DHX38: variants seen among roughly 807,000 people sequenced by gnomAD.
The protein encoded by DHX38 is DEAH-box helicase 38.
DHX38 carries 100 observed loss-of-function variants against 153.1 expected under a neutral mutation model. That is an observed-to-expected ratio of 0.65 (90% CI 0.56 to 0.77). DHX38 has a LOEUF of 0.77. Among genes scored for constraint, DHX38 ranks in the 30% least tolerant of loss-of-function variants. The pLI is 0.00. For synonymous variants in DHX38, 650 were observed against 631.7 expected (o/e 1.03, Z -0.43); for missense variants, 1,440 against 1,654.0 (o/e 0.87, Z 2.24).
rs141181263 is a variant in DHX38, at chr16:72,106,649, A to G, written c.2600+532A>G. Among the ~76,000 whole-genome samples, 1,161 of 151,996 alleles carry G rather than the reference A, an allele frequency of 7.6e-3. 6 individuals carry two copies. Among genetic ancestry groups the G allele is most frequent in the Non-Finnish European group, 0.011 (780 of 67,966 alleles). ...TATTTTGTAGAGATGGGGTCTTGCT[A>G]TGTTGCCCAGGCTGGTATTGTGAAC... On this transcript the variant is annotated intron_variant, in intron 19 of 26. Coordinates refer to ENST00000268482, the MANE Select transcript of DHX38 (RefSeq NM_014003.4).
At chr16:72,097,806 G>A (rs1597438940) in intron 4 of DHX38, 25 bp downstream of exon 4, 1 of 1,599,708 alleles carries the variant, frequency 6.3e-7, no homozygotes, top group Non-Finnish European at 8.5e-7. Flanking sequence ...TTGGTGGCTT[G>A]TGAGGATTCA....
rs372560140 is a variant in DHX38 at position 72,109,523 on chromosome 16, T to C, written c.3477+13T>C. On this transcript the variant is annotated intron_variant, in intron 25 of 26. Transcript: ENST00000268482. ...CAAGTCACGGCAGGTGAGGATTCTGTGCTCTTCGCAGGGGTGCTGTTTGCC... is the reference window on the plus strand; with the variant it reads ...CAAGTCACGGCAGGTGAGGATTCTGCGCTCTTCGCAGGGGTGCTGTTTGCC... The C allele has an allele frequency of 1.1e-5, 18 of 1,608,072 alleles. No individual in the cohort carries two copies. In the Admixed American group the frequency reaches 1.7e-4, roughly 15 times the overall value.
In DHX38 at chr16:72,104,634, G is replaced by C; in HGVS notation, c.2151+8G>C. The C allele has an allele frequency of 6.2e-7, 1 of 1,614,094 alleles. No homozygotes were observed. The highest frequency in any genetic ancestry group is 8.5e-7 in the Non-Finnish European group (1 of 1,180,012). On this transcript the variant is annotated splice_region_variant and intron_variant, in intron 15 of 26. Transcript: ENST00000268482. This position sits in a 1 kb window ranked among gnomAD's most constrained non-coding sequence, Gnocchi z 4.5. ...GACATCCTCTTCAGCAAGGTATTGA[G>C]GCCACCATGTTACGAACTGACCCTT... is the stretch of plus-strand genomic sequence containing the variant.
intron 17 of DHX38, 31 bp downstream of exon 17, chr16:72,105,379 C>T (rs1211511611): frequency 6.2e-7 from 1 of 1,611,250 alleles, no homozygotes; most frequent in South Asian, 1.1e-5. Flanking sequence ...AGGAGTGGCT[C>T]TTGGAGTTCT....
At chr16:72,112,316 G>A (rs1398053816) in intron 26 of DHX38, 97 bp from the exon 27 acceptor site, 1 of 1,236,848 alleles carries the variant, frequency 8.1e-7, no homozygotes, top group Admixed American at 1.7e-5. Context: ...CCCCACCATG[G>A]GTTAGGAACA....
chr16:72,100,721 A>T, intron 9 of DHX38, 124 bp downstream of exon 9: 1 of 1,356,330 alleles, frequency 7.4e-7, no homozygotes, highest in East Asian at 2.4e-5. Context: ...ATTGGATACC[A>T]GGAGTTCAAG....
chr16:72,104,165 G>T lies in DHX38; in HGVS notation c.2010+34G>T. 1.2e-6 allele frequency: 2 copies of T among 1,606,834 alleles called. No homozygotes were observed. The highest frequency in any genetic ancestry group is 1.7e-6 in the Non-Finnish European group (2 of 1,175,100). ...TGTGTGGTTTGGTCTCTCTGCGCAT[G>T]GGGTGTTGACCAGTGCACCACCAGT... On this transcript the variant is annotated intron_variant, in intron 14 of 26. Coordinates refer to ENST00000268482, the MANE Select transcript of DHX38 (RefSeq NM_014003.4). The surrounding 1 kb of genome is among the most constrained non-coding windows in gnomAD (Gnocchi z 4.5).
In DHX38 at chr16:72,107,541, C is replaced by T. The variant is rs140015645; in HGVS notation, c.2802C>T (p.Asp934=). The stretch of plus-strand genomic sequence containing the variant: ...AGCTCTGGATCCTCGGGGCCCTGGA[C>T]AACACAGGTGAGGCGGCCCCGGGAG... ...MYQLWILGAL[D]NTGGLTSTGR... is the part of the protein sequence containing the mutation. The change falls in exon 20 of 27, where the codon GAC becomes GAT. Residue 934 remains aspartate, a synonymous_variant. Coordinates refer to ENST00000268482, the MANE Select transcript of DHX38 (RefSeq NM_014003.4). The surrounding 1 kb of genome is among the most constrained non-coding windows in gnomAD (Gnocchi z 5.3). 3.0e-5 allele frequency: 48 copies of T among 1,612,996 alleles called. No homozygotes were observed. The highest frequency in any genetic ancestry group is 4.5e-5 in the East Asian group (2 of 44,848).
intron 8 of DHX38, among the ~76,000 whole-genome samples, 192 bp downstream of exon 8, chr16:72,100,079 C>T (rs530537746): frequency 4.6e-5 from 7 of 152,116 alleles, no homozygotes; most frequent in Non-Finnish European, 1.5e-5. Context: ...GCTCGTACTT[C>T]TCTCTTTTGC....
intron 26 of DHX38, among the ~76,000 whole-genome samples, chr16:72,111,983 C>T (rs1445727160): frequency 6.6e-6 from 1 of 152,192 alleles, no homozygotes; most frequent in Non-Finnish European, 1.5e-5. Context: ...CACCAAGAGT[C>T]ACCTCATTAG....
At position 72,104,173 on chromosome 16, in the gene DHX38, G is replaced by C. The variant is rs749395832; in HGVS notation, c.2010+42G>C. The C allele has an allele frequency of 6.3e-7, 1 of 1,599,962 alleles. No individual in the cohort carries two copies. The highest frequency in any genetic ancestry group is 1.1e-5 in the South Asian group (1 of 90,084). ...TTGGTCTCTCTGCGCATGGGGTGTT[G>C]ACCAGTGCACCACCAGTAGCTAGTG... On this transcript the variant is annotated intron_variant, in intron 14 of 26. Transcript: ENST00000268482. This position sits in a 1 kb window ranked among gnomAD's most constrained non-coding sequence, Gnocchi z 4.5.
chr16:72,109,912 C>CT (rs1243443764), intron 25 of DHX38, among the ~76,000 whole-genome samples: 1 of 152,006 alleles, frequency 6.6e-6, no homozygotes, highest in East Asian at 1.9e-4. Flanking sequence ...TCCATAAATA[C>CT]TTGAGTATGT....
chr16:72,110,899 GGCCTCCT>G, intron 25 of DHX38, 50 bp from the exon 26 acceptor site: 1 of 1,520,868 alleles, frequency 6.6e-7, no homozygotes, highest in South Asian at 1.2e-5. Context: ...GTGCCGACGA[GGCCTCCT>G]TCCTTAGTGG....
chr16:72,101,162 G>A lies in DHX38; in HGVS notation c.1355G>A (p.Arg452Gln), dbSNP rs1242770196. 5.0e-6 allele frequency: 8 copies of A among 1,614,264 alleles called. No individual in the cohort carries two copies. The highest frequency in any genetic ancestry group is 2.2e-5 in the East Asian group (1 of 44,888). The change falls in exon 10 of 27, where the codon CGG (arginine) becomes CAG (glutamine). Residue 452 changes from arginine (R) to glutamine (Q), a missense_variant. Physicochemically the swap from Arg to Gln is conservative, Grantham distance 43. Around this residue, in one of 6 missense-constraint regions of DHX38, gnomAD observed 241 missense variants for 229.5 expected, o/e 1.05. Coordinates refer to ENST00000268482, the MANE Select transcript of DHX38 (RefSeq NM_014003.4). ...GCTCGGAAAGGCAGCCAGACAGTGC[G>A]GAAGCACAGGGAGCAGAAGGAGCGC... is the stretch of plus-strand genomic sequence containing the variant. ...IIARKGSQTV[R>Q]KHREQKERKK... is the part of the protein sequence containing the mutation.
At position 72,099,736 on chromosome 16, in the gene DHX38, C is replaced by A. The variant is rs772761606; in HGVS notation, c.965C>A (p.Ala322Asp). 1 of 1,614,062 alleles carries A rather than the reference C, an allele frequency of 6.2e-7. No homozygotes were observed. Among genetic ancestry groups the A allele is most frequent in the Non-Finnish European group, 8.5e-7 (1 of 1,179,958 alleles). Residue 322 changes from alanine (A) to aspartate (D), a missense_variant, in exon 8 of 27, where the codon GCC becomes GAC. This residue lies in a region of DHX38 where 483 missense variants were observed against 465.1 expected (regional missense o/e 1.04). Coordinates refer to ENST00000268482, the MANE Select transcript of DHX38 (RefSeq NM_014003.4). ...GCTTTGCCTCCTGCCCTGCAGCAAG[C>A]CGATCGGGATTGGTACATGATGGAC... ...RQQWEDDQRQ[A>D]DRDWYMMDEG...
intron 7 of DHX38, 86 bp downstream of exon 7, chr16:72,099,366 A>G: frequency 8.0e-7 from 1 of 1,250,048 alleles, no homozygotes; most frequent in South Asian, 1.5e-5. Context: ...GGCTTTGATG[A>G]GGGTACACCT....
intron 1 of DHX38, among the ~76,000 whole-genome samples, chr16:72,095,227 C>T (rs2041994322): frequency 6.6e-6 from 1 of 152,216 alleles, no homozygotes; most frequent in Non-Finnish European, 1.5e-5. Flanking sequence ...CTTGTTCCAA[C>T]TTGAGTGCCA....
chr16:72,101,412 G>T, intron 10 of DHX38, 88 bp from the exon 11 acceptor site: 1 of 1,353,140 alleles, frequency 7.4e-7, no homozygotes, highest in Non-Finnish European at 1.0e-6. Context: ...ACCACCTGCG[G>T]GGTGAAGTCT....
intron 25 of DHX38, among the ~76,000 whole-genome samples, chr16:72,110,549 G>A (rs886602302): frequency 3.3e-5 from 5 of 152,212 alleles, no homozygotes; most frequent in Non-Finnish European, 5.9e-5. Flanking sequence ...TTGCAAAATG[G>A]TGCTGGGCTT....
Sources: gnomAD v4.1 joint callset for allele counts (sites outside exome capture counted in the v4.1 genomes callset) on GRCh38, gnomAD v4.1.1 for gene constraint, gnomAD v4.1.1 regional missense constraint, Gnocchi (gnomAD v3.1) non-coding constraint, MANE v1.5 for transcripts, NCBI Gene and HGNC (gene_info 2026-07-23, HGNC 2026-07-21) for gene names.